DGKI: variants seen among roughly 807,000 people sequenced by gnomAD.
DGKI encodes DAG kinase iota.
A neutral mutation model predicts 147.5 loss-of-function variants in DGKI; 55 were observed. The observed-to-expected ratio is 0.37, with a 90% confidence interval of 0.30 to 0.47. The LOEUF is 0.47. DGKI is among the 20% of genes least tolerant of loss of function. The pLI, the probability that DGKI is intolerant of heterozygous loss-of-function variation, is 1.00. For missense variants in DGKI, 1,007 were observed against 1,323.8 expected (o/e 0.76, Z 3.71); for synonymous variants, 469 against 477.1 (o/e 0.98, Z 0.22).
chr7:137,509,254 A>G (rs1816493799), intron 21 of DGKI, among the ~76,000 whole-genome samples: 1 of 152,174 alleles, frequency 6.6e-6, no homozygotes, highest in South Asian at 2.1e-4. Context: ...AAAATGTTAG[A>G]AAAATCATTG....
At chr7:137,662,726 G>A (rs902213305) in intron 3 of DGKI, among the ~76,000 whole-genome samples, 7 of 152,180 alleles carry the variant, frequency 4.6e-5, no homozygotes, top group African/African-American at 1.2e-4. Context: ...AAAGGTCCCA[G>A]CCCAGACCCT....
At chr7:137,609,428 T>C (rs1820290576) in intron 9 of DGKI, 107 bp downstream of exon 9, 2 of 770,164 alleles carry the variant, frequency 2.6e-6, no homozygotes, top group South Asian at 1.8e-5. Flanking sequence ...GAGAAAGCAG[T>C]AGTAGAAGAT....
intron 1 of DGKI, among the ~76,000 whole-genome samples, chr7:137,726,407 T>C (rs1162468687): frequency 6.6e-6 from 1 of 152,204 alleles, no homozygotes; most frequent in Non-Finnish European, 1.5e-5. Context: ...CAAAATATTT[T>C]TCTCATGGTC....
chr7:137,845,197 G>C (rs1798674154), intron 1 of DGKI, among the ~76,000 whole-genome samples: 1 of 152,192 alleles, frequency 6.6e-6, no homozygotes, highest in Admixed American at 6.5e-5. Flanking sequence ...AGGCGTTTTA[G>C]GAGTCATCAG....
intron 1 of DGKI, among the ~76,000 whole-genome samples, chr7:137,761,869 T>G (rs1187653243): frequency 6.6e-6 from 1 of 152,058 alleles, no homozygotes; most frequent in African/African-American, 2.4e-5. Context: ...CAGCCTAAAC[T>G]CAACTTGACC....
chr7:137,740,627 T>A (rs1203862699), intron 1 of DGKI, among the ~76,000 whole-genome samples: 1 of 152,060 alleles, frequency 6.6e-6, no homozygotes, highest in Admixed American at 6.6e-5. Flanking sequence ...CTACCCGATA[T>A]CCCCGCACAA....
At position 137,577,301 on chromosome 7, in the gene DGKI, TAAA is replaced by T; in HGVS notation, c.1699-20_1699-18del. ...AAAAGCTGCCTATACCACAGGGAAA[TAAA>T]GAAGAAGAAATTCGTAATTACATGG... On this transcript the variant is annotated intron_variant, in intron 16 of 32. Transcript: ENST00000614521. The T allele has an allele frequency of 6.4e-7, 1 of 1,564,576 alleles. No individual in the cohort carries two copies. Among genetic ancestry groups the T allele is most frequent in the African/African-American group, 1.4e-5 (1 of 73,622 alleles).
intron 28 of DGKI, among the ~76,000 whole-genome samples, chr7:137,438,801 CA>C (rs1813380991): frequency 6.6e-6 from 1 of 151,916 alleles, no homozygotes; most frequent in Non-Finnish European, 1.5e-5. Context: ...GGATGAATCA[CA>C]AAAATTATTC....
In DGKI at chr7:137,433,677, A is replaced by G. The variant is rs538239783; in HGVS notation, c.2761+10400T>C. 3.3e-5 allele frequency among the ~76,000 whole-genome samples: 5 copies of G among 152,374 alleles called. No homozygotes were observed. In the South Asian group the frequency reaches 1.0e-3, roughly 32 times the overall value. ...TTCAATTTTTTGTTTCTGCTATCAT[A>G]GAATATTACACAAAGACCAGAGTCA... On this transcript the variant is annotated intron_variant, in intron 28 of 32. Coordinates refer to ENST00000614521, the MANE Select transcript of DGKI (RefSeq NM_001321708.2).
chr7:137,637,733 C>T (rs550252082), intron 6 of DGKI, among the ~76,000 whole-genome samples: 3 of 152,350 alleles, frequency 2.0e-5, no homozygotes, highest in South Asian at 2.1e-4. Context: ...AAACTAAGCA[C>T]TGGCTTTGCT....
At chr7:137,718,171 C>T (rs1207230810) in intron 1 of DGKI, among the ~76,000 whole-genome samples, 2 of 152,120 alleles carry the variant, frequency 1.3e-5, no homozygotes, top group Non-Finnish European at 1.5e-5. Context: ...CAGTGAGCAA[C>T]GGGGCATCCA....
intron 28 of DGKI, among the ~76,000 whole-genome samples, chr7:137,437,197 G>C (rs1363238878): frequency 1.3e-5 from 2 of 152,146 alleles, no homozygotes; most frequent in Admixed American, 1.3e-4. Flanking sequence ...ATAATGATTG[G>C]AAAGGACGAA....
intron 10 of DGKI, among the ~76,000 whole-genome samples, chr7:137,601,220 G>C (rs901356061): frequency 6.6e-6 from 1 of 151,380 alleles, no homozygotes; most frequent in Non-Finnish European, 1.5e-5. Context: ...GCAGTGAGCC[G>C]AAATAGCGCC....
chr7:137,837,521 C>A (rs185610556), intron 1 of DGKI, among the ~76,000 whole-genome samples: 34 of 152,270 alleles, frequency 2.2e-4, no homozygotes, highest in Admixed American at 1.2e-3. Flanking sequence ...AAATTATCAC[C>A]CCCAATGTGA....
intron 21 of DGKI, among the ~76,000 whole-genome samples, chr7:137,506,505 T>C (rs974902720): frequency 3.9e-4 from 59 of 152,196 alleles, no homozygotes; most frequent in African/African-American, 1.4e-3. Context: ...AAATATTCTG[T>C]ACAATACAAT....
intron 20 of DGKI, among the ~76,000 whole-genome samples, chr7:137,545,071 C>T (rs1817821206): frequency 1.3e-5 from 2 of 152,150 alleles, no homozygotes; most frequent in South Asian, 2.1e-4. Flanking sequence ...GAGTCTGAAT[C>T]CCACTCTATG....
chr7:137,792,702 C>T (rs1796892534), intron 1 of DGKI, among the ~76,000 whole-genome samples: 1 of 152,196 alleles, frequency 6.6e-6, no homozygotes, highest in Admixed American at 6.5e-5. Flanking sequence ...GGCTTGGTGC[C>T]ATCCCCTTGG....
chr7:137,823,046 T>C (rs1216688466), intron 1 of DGKI, among the ~76,000 whole-genome samples: 2 of 149,034 alleles, frequency 1.3e-5, no homozygotes, highest in Non-Finnish European at 3.0e-5. Context: ...AGGAGGAAAA[T>C]ATTCTCCCCC....
Position 137,600,327 on chromosome 7 carries a change from G to C in DGKI, c.1168-422C>G, listed in dbSNP as rs1387355663. ...TAATTATAAGCAGTATAGAAGAGTA[G>C]TTAAAATCACGGGCTTTGGTCATGG... On this transcript the variant is annotated intron_variant, in intron 10 of 32. Coordinates refer to ENST00000614521, the MANE Select transcript of DGKI (RefSeq NM_001321708.2). 2.6e-5 allele frequency among the ~76,000 whole-genome samples: 4 copies of C among 152,254 alleles called. No individual in the cohort carries two copies. In the East Asian group the frequency reaches 7.7e-4, roughly 29 times the overall value.
Sources: allele counts gnomAD v4.1 joint callset (sites outside exome capture counted in the v4.1 genomes callset), GRCh38; gene constraint gnomAD v4.1.1; transcripts MANE v1.5; gene names NCBI Gene and HGNC (gene_info 2026-07-23, HGNC 2026-07-21).